The following TUFT1 variants were observed in gnomAD, a reference collection of about 807,000 sequenced individuals.
TUFT1 encodes tuftelin.
Under a neutral mutation model 57.8 loss-of-function variants are expected in TUFT1, and 43 were observed. The ratio of observed to expected loss-of-function variants is 0.74; its 90% CI spans 0.58 to 0.96. TUFT1 has a LOEUF of 0.96. TUFT1 is among the 40% of genes least tolerant of loss of function. The probability of loss-of-function intolerance (pLI) is 0.00; values close to 1 mark genes in which losing one functional copy is unlikely to be tolerated. For missense variants in TUFT1, 459 were observed against 489.0 expected (o/e 0.94, Z 0.58); for synonymous variants, 166 against 176.7 (o/e 0.94, Z 0.48).
At chr1:151,553,700 G>A (rs1461346546) in intron 1 of TUFT1, among the ~76,000 whole-genome samples, 1 of 152,194 alleles carries the variant, frequency 6.6e-6, no homozygotes, top group African/African-American at 2.4e-5. Context: ...GTGCCTTAGA[G>A]TACTTTTGTG....
intron 12 of TUFT1, 150 bp downstream of exon 12, chr1:151,581,192 T>A (rs1666637634): frequency 1.4e-6 from 1 of 737,290 alleles, no homozygotes; most frequent in African/African-American, 1.8e-5. Context: ...GCCGGAACCA[T>A]TTTCTAGCCC....
intron 6 of TUFT1, among the ~76,000 whole-genome samples, chr1:151,567,807 A>G (rs1439097937): frequency 1.3e-5 from 2 of 152,208 alleles, no homozygotes. Flanking sequence ...TGGCCTCCCA[A>G]AGTGTTAGGA....
chr1:151,546,689 T>G (rs1021664847), intron 1 of TUFT1, among the ~76,000 whole-genome samples: 1 of 152,256 alleles, frequency 6.6e-6, no homozygotes, highest in East Asian at 1.9e-4. Flanking sequence ...CATGTTGTAA[T>G]GTGAATCAGT....
chr1:151,558,344 A>G (rs573585595), intron 1 of TUFT1, among the ~76,000 whole-genome samples: 1 of 151,640 alleles, frequency 6.6e-6, no homozygotes, highest in African/African-American at 2.4e-5. Flanking sequence ...CGAAGAGAAA[A>G]TAACCTTTGA....
rs191047219 is a variant in TUFT1 at position 151,542,786 on chromosome 1, G to A, written c.60+2360G>A. Among the ~76,000 whole-genome samples the A allele has an allele frequency of 5.9e-5, 9 of 152,262 alleles. No homozygotes were observed. In the East Asian group the frequency reaches 1.3e-3, roughly 23 times the overall value. On this transcript the variant is annotated intron_variant, in intron 1 of 12. Transcript: ENST00000368849. ...GATCTGATCTTGGAGACATTCCTGG[G>A]CCCTTAAGGGAGGGGAGGAGATGGT...
chr1:151,544,397 A>G (rs1665267897), intron 1 of TUFT1, among the ~76,000 whole-genome samples: 1 of 151,934 alleles, frequency 6.6e-6, no homozygotes, highest in Admixed American at 6.6e-5. Context: ...CCCTGGTTCA[A>G]GCAATTCTCC....
chr1:151,563,817 C>A, intron 3 of TUFT1, 87 bp from the exon 4 acceptor site: 1 of 1,106,402 alleles, frequency 9.0e-7, no homozygotes, highest in Non-Finnish European at 1.4e-6. Flanking sequence ...AACAATTTAC[C>A]CTCCCACCAG....
intron 7 of TUFT1, among the ~76,000 whole-genome samples, chr1:151,573,351 G>A (rs1227120853): frequency 2.0e-5 from 3 of 152,224 alleles, no homozygotes; most frequent in African/African-American, 4.8e-5. Flanking sequence ...GGGCATCTAA[G>A]TGAGACCTGG....
chr1:151,564,587 A>T lies in TUFT1; in HGVS notation c.387A>T (p.Gly129=), dbSNP rs780183694. The change falls in exon 5 of 13, where the codon GGA becomes GGT. Residue 129 remains glycine, a synonymous_variant. Coordinates refer to ENST00000368849, the MANE Select transcript of TUFT1 (RefSeq NM_020127.3). ...GTAGCAAGCTTGACAGGAACCTAGG[A>T]GATTCTCTCCATCGACAGGAGATAC... is the stretch of plus-strand genomic sequence containing the variant. ...DISSKLDRNL[G]DSLHRQEIQV... 1 of 1,614,136 alleles carries T rather than the reference A, an allele frequency of 6.2e-7. No individual in the cohort carries two copies. Among genetic ancestry groups the T allele is most frequent in the Admixed American group, 1.7e-5 (1 of 60,020 alleles).
intron 1 of TUFT1, among the ~76,000 whole-genome samples, chr1:151,561,336 CA>C (rs1665881856): frequency 6.6e-6 from 1 of 151,802 alleles, no homozygotes; most frequent in African/African-American, 2.4e-5. Context: ...GGCAACATGG[CA>C]AAACCTCATG....
rs914109763 is a variant in TUFT1, at chr1:151,541,218, C to T, written c.60+792C>T. 2.6e-5 allele frequency among the ~76,000 whole-genome samples: 4 copies of T among 152,104 alleles called. No individual in the cohort carries two copies. In the South Asian group the frequency reaches 8.3e-4, roughly 32 times the overall value. ...CGGGCCGAGAAGGGGAGGGAAGTGA[C>T]CCAAGCGAAGGCTTCTGGACGGGGA... is the stretch of plus-strand genomic sequence containing the variant. On this transcript the variant is annotated intron_variant, in intron 1 of 12. Transcript: ENST00000368849.
At position 151,578,803 on chromosome 1, in the gene TUFT1, A is replaced by C; in HGVS notation, c.901A>C (p.Lys301Gln). The C allele has an allele frequency of 6.4e-7, 1 of 1,574,136 alleles. No individual in the cohort carries two copies. The highest frequency in any genetic ancestry group is 8.6e-7 in the Non-Finnish European group (1 of 1,158,438). The change falls in exon 10 of 13, where the codon AAA (lysine) becomes CAA (glutamine). Residue 301 changes from lysine (K) to glutamine (Q), a missense_variant. Coordinates refer to ENST00000368849, the MANE Select transcript of TUFT1 (RefSeq NM_020127.3). ...TGACATGCTCAAGAGCCAGCAGCGG[A>C]AAGTCCGGCAAATGATAGAGCAGGT... ...LDDMLKSQQRKVRQMIEQLQN... is the reference protein window; with the variant it reads ...LDDMLKSQQRQVRQMIEQLQN...
intron 4 of TUFT1, 109 bp from the exon 5 acceptor site, chr1:151,564,416 G>A (rs1571705168): frequency 1.3e-6 from 1 of 766,926 alleles, no homozygotes; most frequent in African/African-American, 1.7e-5. Context: ...CAGTCGTTAG[G>A]ACAGTGCCTG....
intron 7 of TUFT1, among the ~76,000 whole-genome samples, chr1:151,571,568 G>C (rs1207963670): frequency 6.6e-6 from 1 of 152,092 alleles, no homozygotes; most frequent in Non-Finnish European, 1.5e-5. Context: ...ATCTATTTCA[G>C]ATTCCACAAT....
chr1:151,562,543 C>T, intron 2 of TUFT1, 42 bp from the exon 3 acceptor site: 1 of 1,245,592 alleles, frequency 8.0e-7, no homozygotes, highest in Non-Finnish European at 1.2e-6. Flanking sequence ...GTGTCTGAGC[C>T]ATCTCTCTCT....
rs143032722 is a variant in TUFT1, at chr1:151,574,730, G to C, written c.724-181G>C. Among the ~76,000 whole-genome samples, 53 of 152,324 alleles carry C rather than the reference G, an allele frequency of 3.5e-4. No homozygotes were observed. The East Asian group carries it at 0.01, about 29-fold the overall frequency. On this transcript the variant is annotated intron_variant, in intron 8 of 12. Transcript: ENST00000368849. ...TCAGGGCAGCTGGGTGAGGCTGAGT[G>C]AGAGTGGGAAGGGTTCTCCTCATCA...
In TUFT1 at chr1:151,578,832, T is replaced by C. The variant is rs746741827; in HGVS notation, c.924+6T>C. 1 of 1,554,694 alleles carries C rather than the reference T, an allele frequency of 6.4e-7. No individual in the cohort carries two copies. The highest frequency in any genetic ancestry group is 8.7e-7 in the Non-Finnish European group (1 of 1,147,894). ...TCCGGCAAATGATAGAGCAGGTAAG[T>C]TGGGCTGGTTTGTAACCTGCCCTCG... On this transcript the variant is annotated splice_donor_region_variant and intron_variant, in intron 10 of 12. Coordinates refer to ENST00000368849, the MANE Select transcript of TUFT1 (RefSeq NM_020127.3).
chr1:151,545,728 C>T, intron 1 of TUFT1: 2 of 439,298 alleles, frequency 4.6e-6, no homozygotes, highest in South Asian at 3.3e-5. Context: ...CCTTGATGAT[C>T]CAGGTCCCTC....
intron 7 of TUFT1, 147 bp from the exon 8 acceptor site, chr1:151,574,123 G>A (rs1262360142): frequency 3.4e-6 from 3 of 881,272 alleles, no homozygotes; most frequent in Non-Finnish European, 5.2e-6. Context: ...GCAGTGAAGG[G>A]GAGGTGGTGG....
Sources: allele counts gnomAD v4.1 joint callset (sites outside exome capture counted in the v4.1 genomes callset), GRCh38; gene constraint gnomAD v4.1.1; transcripts MANE v1.5; gene names NCBI Gene and HGNC (gene_info 2026-07-23, HGNC 2026-07-21).